Variants in ITGAD observed in about 807,000 individuals in gnomAD.
The protein encoded by ITGAD is integrin alpha-D.
ITGAD carries 105 observed loss-of-function variants against 139.0 expected under a neutral mutation model. That is an observed-to-expected ratio of 0.76 (90% confidence interval 0.65 to 0.89). ITGAD has a LOEUF of 0.89. Ranked by LOEUF, ITGAD falls within the 40% of genes least tolerant of loss-of-function variation. ITGAD has a pLI of 0.00. For synonymous variants in ITGAD, 569 were observed against 598.3 expected, an observed-to-expected ratio of 0.95 and a Z score of 0.71; for missense variants, 1,384 against 1,487.3, an observed-to-expected ratio of 0.93 and a Z score of 1.14.
intron 23 of ITGAD, among the ~76,000 whole-genome samples, chr16:31,418,972 C>A (rs563440257): frequency 7.2e-6 from 1 of 138,348 alleles, no homozygotes; most frequent in Admixed American, 7.5e-5. Flanking sequence ...TGCAGTGAGC[C>A]GAGATCATGC....
intron 9 of ITGAD, among the ~76,000 whole-genome samples, chr16:31,408,122 C>G (rs2081586992): frequency 1.3e-5 from 2 of 152,172 alleles, no homozygotes; most frequent in African/African-American, 4.8e-5. Context: ...CAGACACGCA[C>G]CACCATGCCC....
At chr16:31,397,209 G>A in intron 2 of ITGAD, 150 bp from the exon 3 acceptor site, 1 of 624,786 alleles carries the variant, frequency 1.6e-6, no homozygotes, top group Non-Finnish European at 2.9e-6. Context: ...CTTGGGCCCT[G>A]ATTTCTGAAT....
chr16:31,408,688 G>T (rs1013326278), intron 10 of ITGAD, 190 bp downstream of exon 10: 2 of 571,414 alleles, frequency 3.5e-6, no homozygotes, highest in Admixed American at 6.0e-5. Context: ...TGCTCTCAAG[G>T]ATCATGTATT....
chr16:31,414,695 G>A (rs1430989177), intron 17 of ITGAD, 90 bp downstream of exon 17: 2 of 1,575,202 alleles, frequency 1.3e-6, no homozygotes, highest in African/African-American at 1.4e-5. Flanking sequence ...GAGGTGGGAA[G>A]GGTTAGGATG....
intron 5 of ITGAD, among the ~76,000 whole-genome samples, chr16:31,401,308 G>A (rs1049428027): frequency 1.2e-4 from 18 of 152,166 alleles, no homozygotes; most frequent in African/African-American, 4.3e-4. Flanking sequence ...TGCCTGGGGG[G>A]CTCAGAGTGC....
In ITGAD at chr16:31,407,933, G is replaced by A. The variant is rs1464206193; in HGVS notation, c.1009+17G>A. 6.4e-7 allele frequency: 1 copy of A among 1,561,852 alleles called. No homozygotes were observed. The highest frequency in any genetic ancestry group is 1.2e-5 in the South Asian group (1 of 85,652). Reference sequence around the variant, plus strand: ...CAGTTGAGGGTAAATGGAAGCAAGGGTGCGCCTGGGAGCCAAGGGGTCCCC... The same window carrying A: ...CAGTTGAGGGTAAATGGAAGCAAGGATGCGCCTGGGAGCCAAGGGGTCCCC... On this transcript the variant is annotated intron_variant, in intron 9 of 29. Coordinates refer to ENST00000389202, the MANE Select transcript of ITGAD (RefSeq NM_005353.3).
At chr16:31,402,030 A>G in intron 5 of ITGAD, 85 bp from the exon 6 acceptor site, 1 of 1,471,114 alleles carries the variant, frequency 6.8e-7, no homozygotes, top group Non-Finnish European at 9.2e-7. Flanking sequence ...TGCCAAGAAC[A>G]GCCCCCGGGC....
intron 18 of ITGAD, among the ~76,000 whole-genome samples, chr16:31,415,743 C>A (rs905227420): frequency 2.0e-5 from 3 of 152,222 alleles, no homozygotes; most frequent in African/African-American, 7.2e-5. Context: ...GAAGGCCACA[C>A]TCAGCATCTG....
chr16:31,411,553 C>G, intron 14 of ITGAD, 36 bp downstream of exon 14: 9 of 1,601,628 alleles, frequency 5.6e-6, no homozygotes, highest in Non-Finnish European at 5.1e-6. Context: ...AGTCCCAGCT[C>G]CTTCCCATGT....
intron 20 of ITGAD, 124 bp downstream of exon 20, chr16:31,416,770 C>A (rs2081899204): frequency 1.2e-6 from 1 of 826,612 alleles, no homozygotes; most frequent in African/African-American, 1.7e-5. Context: ...CTCTCACACA[C>A]ACACACATAC....
At chr16:31,412,220 T>G (rs2081741767) in intron 14 of ITGAD, among the ~76,000 whole-genome samples, 1 of 152,016 alleles carries the variant, frequency 6.6e-6, no homozygotes, top group African/African-American at 2.4e-5. Context: ...ATTTTTGTAT[T>G]TTTAGTAGAG....
chr16:31,409,753 T>G (rs1368865420), intron 10 of ITGAD, among the ~76,000 whole-genome samples: 1 of 149,210 alleles, frequency 6.7e-6, no homozygotes, highest in Non-Finnish European at 1.5e-5. Flanking sequence ...CTACAAAAAA[T>G]AAAAAAAAAT....
rs970214682 is a variant in ITGAD, at chr16:31,416,659, G to A, written c.2499+13G>A. On this transcript the variant is annotated intron_variant, in intron 20 of 29. Transcript: ENST00000389202. ...GTCAGGAGCCCAGGTAACAACTGCT[G>A]TAGGCTCTAGTGGGAGGGGGCCTCT... is the stretch of plus-strand genomic sequence containing the variant. 3.1e-6 allele frequency: 5 copies of A among 1,596,118 alleles called. No individual in the cohort carries two copies. The highest frequency in any genetic ancestry group is 2.7e-5 in the African/African-American group (2 of 74,762).
chr16:31,423,963 G>T lies in ITGAD; in HGVS notation c.3159+5G>T. On this transcript the variant is annotated splice_donor_5th_base_variant and intron_variant, in intron 27 of 29. Coordinates refer to ENST00000389202, the MANE Select transcript of ITGAD (RefSeq NM_005353.3). ...AGTTTCGGCTGGGTCCGCGAGGTGTGTGGGGGCAGCGGCAGAGCCCCTGCC... is the reference window on the plus strand; with the variant it reads ...AGTTTCGGCTGGGTCCGCGAGGTGTTTGGGGGCAGCGGCAGAGCCCCTGCC... 1.9e-6 allele frequency: 3 copies of T among 1,614,022 alleles called. No individual in the cohort carries two copies. Among genetic ancestry groups the T allele is most frequent in the South Asian group, 1.1e-5 (1 of 91,086 alleles).
chr16:31,423,186 A>G lies in ITGAD; in HGVS notation c.2853A>G (p.Arg951=). ...DEKKMKEAEH[R]YRVNNLSQRD... ...AGAAAATGAAAGAGGCTGAGCATCG[A>G]TACCGTGTGAGAGTCTAGGGAGTAT... The change falls in exon 24 of 30, where the codon CGA becomes CGG. Residue 951 remains arginine (R), a synonymous_variant. Coordinates refer to ENST00000389202, the MANE Select transcript of ITGAD (RefSeq NM_005353.3). 1.2e-6 allele frequency: 2 copies of G among 1,613,744 alleles called. No individual in the cohort carries two copies. Among genetic ancestry groups the G allele is most frequent in the Non-Finnish European group, 1.7e-6 (2 of 1,179,576 alleles).
intron 1 of ITGAD, 104 bp from the exon 2 acceptor site, chr16:31,394,130 CAA>C (rs943198130): frequency 0.026 from 10,709 of 406,804 alleles, no homozygotes; most frequent in South Asian, 0.04. Context: ...GACTCCATCT[CAA>C]AAAAAAAAAA....
chr16:31,412,816 C>G, intron 14 of ITGAD, 22 bp from the exon 15 acceptor site: 1 of 1,613,438 alleles, frequency 6.2e-7, no homozygotes, highest in African/African-American at 1.3e-5. Flanking sequence ...CAGCCTGATT[C>G]ACCCTTTTCT....
rs776894542 is a variant in ITGAD, at chr16:31,423,220, G to T, written c.2859+28G>T. On this transcript the variant is annotated intron_variant, in intron 24 of 29. Transcript: ENST00000389202. ...GAGAGTCTAGGGAGTATCCATGTCT[G>T]CCTTCCACGTTGTGGATAAAGTTGG... is the stretch of plus-strand genomic sequence containing the variant. 4 of 1,604,024 alleles carry T rather than the reference G, an allele frequency of 2.5e-6. No homozygotes were observed. The African/African-American group carries it at 4.0e-5, about 16-fold the overall frequency.
intron 10 of ITGAD, 116 bp from the exon 11 acceptor site, chr16:31,410,279 G>A (rs2081651783): frequency 9.7e-6 from 14 of 1,438,274 alleles, no homozygotes; most frequent in South Asian, 3.8e-5. Flanking sequence ...GGTGCGGGCC[G>A]GGAAGACAGA....
Sources: gnomAD v4.1 joint callset for allele counts (sites outside exome capture counted in the v4.1 genomes callset) on GRCh38, gnomAD v4.1.1 for gene constraint, MANE v1.5 for transcripts, NCBI Gene and HGNC (gene_info 2026-07-23, HGNC 2026-07-21) for gene names.